Variants in MYO5A observed in about 807,000 individuals in gnomAD.
The protein encoded by MYO5A is unconventional myosin-Va.
Under a neutral mutation model 249.7 loss-of-function variants are expected in MYO5A, and 98 were observed. The ratio of observed to expected loss-of-function variants is 0.39; its 90% CI spans 0.33 to 0.46. MYO5A has a LOEUF of 0.46. Ranked by LOEUF, MYO5A falls within the 20% of genes least tolerant of loss-of-function variation. MYO5A has a pLI of 0.98. For missense variants in MYO5A, 1,696 were observed against 2,308.8 expected (o/e 0.73, Z 5.44); for synonymous variants, 778 against 810.6 (o/e 0.96, Z 0.68).
At chr15:52,522,013 G>A (rs543741585) in intron 1 of MYO5A, among the ~76,000 whole-genome samples, 46 of 152,266 alleles carry the variant, frequency 3.0e-4, no homozygotes, top group African/African-American at 1.0e-3. Flanking sequence ...ATCCACTTCC[G>A]CCTCCCACTG....
intron 1 of MYO5A, among the ~76,000 whole-genome samples, chr15:52,481,537 C>G (rs991636355): frequency 2.0e-5 from 3 of 152,146 alleles, no homozygotes; most frequent in African/African-American, 4.8e-5. Context: ...GTACAAGGTG[C>G]CATGGGAGCC....
chr15:52,512,154 C>T (rs2141623066), intron 1 of MYO5A, among the ~76,000 whole-genome samples: 1 of 135,182 alleles, frequency 7.4e-6, no homozygotes, highest in Non-Finnish European at 1.5e-5. Flanking sequence ...CAGAGCAAGA[C>T]TGTCTCAAAA....
intron 1 of MYO5A, among the ~76,000 whole-genome samples, chr15:52,476,715 T>C (rs1263639010): frequency 1.3e-5 from 2 of 152,236 alleles, no homozygotes; most frequent in African/African-American, 2.4e-5. Context: ...TTGTTGAATA[T>C]TGGTCCCCAC....
intron 22 of MYO5A, among the ~76,000 whole-genome samples, chr15:52,369,870 T>C (rs63221160): frequency 2.2e-4 from 1 of 4,458 alleles, no homozygotes; most frequent in Non-Finnish European, 4.3e-4. Context: ...CCAGACTGAC[T>C]TTTTTTTTTT....
chr15:52,383,203 G>T lies in MYO5A; in HGVS notation c.1915-15C>A. Reference sequence around the variant, plus strand: ...GAGTTTCTGAACTGCATGAAAAAGGGCAGAAGAGGGTATCAAGGCTTTGTC... The same window carrying T: ...GAGTTTCTGAACTGCATGAAAAAGGTCAGAAGAGGGTATCAAGGCTTTGTC... On this transcript the variant is annotated splice_polypyrimidine_tract_variant and intron_variant, in intron 15 of 41. Transcript: ENST00000399233. The T allele has an allele frequency of 1.3e-6, 2 of 1,581,524 alleles. No homozygotes were observed. Among genetic ancestry groups the T allele is most frequent in the Non-Finnish European group, 1.7e-6 (2 of 1,150,368 alleles).
Position 52,379,688 on chromosome 15 carries a change from C to T in MYO5A, c.2145G>A (p.Lys715=). 1.2e-6 allele frequency: 2 copies of T among 1,614,192 alleles called. No homozygotes were observed. The highest frequency in any genetic ancestry group is 1.3e-5 in the African/African-American group (1 of 75,036). ...TTCTGTCACTCAGCACATCTTTCTG[C>T]TTCATTAGGACACGGTAGCGGCTGA... ...EFFSRYRVLM[K]QKDVLSDRKQ... The change falls in exon 18 of 42, where the codon AAG becomes AAA. Residue 715 remains lysine, a synonymous_variant. Coordinates refer to ENST00000399233, the MANE Select transcript of MYO5A (RefSeq NM_001382347.1).
chr15:52,438,412 A>G (rs902025353), intron 1 of MYO5A, among the ~76,000 whole-genome samples: 1 of 152,178 alleles, frequency 6.6e-6, no homozygotes, highest in Admixed American at 6.5e-5. Flanking sequence ...CTGGTGAAAA[A>G]GAAGCAGTTA....
chr15:52,385,672 T>C (rs997472701), intron 14 of MYO5A, among the ~76,000 whole-genome samples: 1 of 152,072 alleles, frequency 6.6e-6, no homozygotes. Context: ...ACTGTATTAC[T>C]ACAAAAATAA....
intron 1 of MYO5A, among the ~76,000 whole-genome samples, chr15:52,501,059 T>C (rs1191066954): frequency 6.6e-6 from 1 of 151,686 alleles, no homozygotes; most frequent in Non-Finnish European, 1.5e-5. Context: ...AAGCTCCGCC[T>C]CCCGGGTTCA....
intron 31 of MYO5A, 103 bp from the exon 32 acceptor site, chr15:52,340,497 A>ACTAAAGAATATCTGCTT: frequency 1.0e-6 from 1 of 974,786 alleles, no homozygotes; most frequent in Non-Finnish European, 1.6e-6. Context: ...AAAAGCAGAT[A>ACTAAAGAATATCTGCTT]TTCTTTAGTA....
intron 2 of MYO5A, 84 bp downstream of exon 2, chr15:52,433,091 T>C (rs900835306): frequency 4.9e-6 from 5 of 1,023,978 alleles, no homozygotes; most frequent in Admixed American, 3.5e-5. Context: ...TTAACTTCCA[T>C]TGGGAGTTTA....
intron 12 of MYO5A, among the ~76,000 whole-genome samples, chr15:52,389,840 G>C (rs1238950794): frequency 6.6e-6 from 1 of 152,124 alleles, no homozygotes; most frequent in Non-Finnish European, 1.5e-5. Flanking sequence ...TGTAATCCCA[G>C]CTACTCAGGA....
intron 1 of MYO5A, among the ~76,000 whole-genome samples, chr15:52,469,399 A>G (rs961429077): frequency 2.0e-5 from 3 of 152,216 alleles, no homozygotes; most frequent in Non-Finnish European, 4.4e-5. Flanking sequence ...ATCAAAAGGA[A>G]AAGAATATAT....
At chr15:52,433,094 G>C in intron 2 of MYO5A, 81 bp downstream of exon 2, 2 of 1,036,456 alleles carry the variant, frequency 1.9e-6, no homozygotes, top group East Asian at 2.4e-5. Context: ...ACTTCCATTG[G>C]GAGTTTACTT....
chr15:52,476,426 C>T (rs1417967616), intron 1 of MYO5A, among the ~76,000 whole-genome samples: 4 of 152,134 alleles, frequency 2.6e-5, no homozygotes, highest in Admixed American at 1.3e-4. Flanking sequence ...TGAATTTGAT[C>T]CTGTCATTAT....
chr15:52,411,758 C>T (rs1053938712), intron 5 of MYO5A, among the ~76,000 whole-genome samples: 2 of 152,134 alleles, frequency 1.3e-5, no homozygotes, highest in Non-Finnish European at 2.9e-5. Context: ...CACAGCCATA[C>T]AAGTCAACAC....
intron 21 of MYO5A, 26 bp downstream of exon 21, chr15:52,372,098 T>C (rs1215610107): frequency 6.2e-7 from 1 of 1,613,170 alleles, no homozygotes; most frequent in South Asian, 1.1e-5. Context: ...CATACTCCAC[T>C]CTCAGGGCCC....
chr15:52,519,618 ATAATAAT>A (rs1406641294), intron 1 of MYO5A, among the ~76,000 whole-genome samples: 109 of 58,088 alleles, frequency 1.9e-3, no homozygotes, highest in African/African-American at 5.5e-3. Context: ...TCTAAAAAAA[ATAATAAT>A]AATAATAATA....
chr15:52,422,120 G>C (rs185728958), intron 4 of MYO5A, among the ~76,000 whole-genome samples: 16 of 152,178 alleles, frequency 1.1e-4, no homozygotes. Context: ...AGGCATGGCA[G>C]TCCACTGAGT....
Sources: gnomAD v4.1 joint callset for allele counts (sites outside exome capture counted in the v4.1 genomes callset) on GRCh38, gnomAD v4.1.1 for gene constraint, MANE v1.5 for transcripts, NCBI Gene and HGNC (gene_info 2026-07-23, HGNC 2026-07-21) for gene names.